GAS7: variants seen among roughly 807,000 people sequenced by gnomAD.
GAS7 encodes the protein growth arrest-specific protein 7.
A neutral mutation model predicts 71.1 loss-of-function variants in GAS7; 28 were observed. The observed-to-expected ratio is 0.39, with a 90% CI of 0.29 to 0.54. The LOEUF (loss-of-function observed/expected upper bound fraction) is 0.54. Among genes scored for constraint, GAS7 ranks in the 20% least tolerant of loss-of-function variants. GAS7 has a pLI of 0.62. For synonymous variants in GAS7, 258 were observed against 245.8 expected, an observed-to-expected ratio of 1.05 and a Z score of -0.46; for missense variants, 436 against 627.8, an observed-to-expected ratio of 0.69 and a Z score of 3.27.
chr17:10,070,571 C>G (rs1393182905), intron 1 of GAS7, among the ~76,000 whole-genome samples: 1 of 151,878 alleles, frequency 6.6e-6, no homozygotes, highest in African/African-American at 2.4e-5. Context: ...ACCATGTTCG[C>G]CAGGCTGGTC....
chr17:10,115,236 A>G (rs969115937), intron 1 of GAS7, among the ~76,000 whole-genome samples: 1 of 152,258 alleles, frequency 6.6e-6, no homozygotes, highest in Non-Finnish European at 1.5e-5. Flanking sequence ...GCTGTTGCAC[A>G]AGAGCTGAGT....
At position 9,959,164 on chromosome 17, in the gene GAS7, G is replaced by A. The variant is rs763275270; in HGVS notation, c.525+38C>T. The A allele has an allele frequency of 2.2e-5, 35 of 1,605,458 alleles. No individual in the cohort carries two copies. Among genetic ancestry groups the A allele is most frequent in the Non-Finnish European group, 2.5e-5 (29 of 1,174,730 alleles). ...ACAGCCCAGCCAAATGCCCCAGCTC[G>A]CAGCCCACCCTGAGGGCGCCCCTCG... On this transcript the variant is annotated intron_variant, in intron 5 of 13. Coordinates refer to ENST00000432992, the MANE Select transcript of GAS7 (RefSeq NM_201433.2). This position sits in a 1 kb window ranked among gnomAD's most constrained non-coding sequence, Gnocchi z 5.0.
chr17:9,961,525 C>T (rs938526309), intron 4 of GAS7, among the ~76,000 whole-genome samples: 5 of 152,218 alleles, frequency 3.3e-5, no homozygotes, highest in African/African-American at 1.2e-4. Context: ...TGCAGCCCCC[C>T]AGAGAGGGGA....
intron 1 of GAS7, among the ~76,000 whole-genome samples, chr17:10,185,246 T>C (rs1297532132): frequency 6.6e-6 from 1 of 152,102 alleles, no homozygotes; most frequent in Non-Finnish European, 1.5e-5. Flanking sequence ...TTGAACAAGA[T>C]TTGATAAGCT....
intron 2 of GAS7, among the ~76,000 whole-genome samples, chr17:10,016,062 G>T (rs2071983367): frequency 1.3e-5 from 2 of 152,182 alleles, no homozygotes; most frequent in Admixed American, 1.3e-4. Context: ...CAAACTATGT[G>T]TTGAAGGAAT....
chr17:9,940,079 A>T (rs750565151), intron 8 of GAS7, 47 bp downstream of exon 8: 4 of 1,036,672 alleles, frequency 3.9e-6, no homozygotes, highest in Middle Eastern at 4.1e-4. Flanking sequence ...TCCCTTCCTC[A>T]GTGACCCCCC....
intron 1 of GAS7, among the ~76,000 whole-genome samples, chr17:10,160,365 T>C (rs1173994586): frequency 6.6e-6 from 1 of 152,210 alleles, no homozygotes; most frequent in Admixed American, 6.5e-5. Flanking sequence ...CTACTGCCCA[T>C]TTAAAACACA....
chr17:10,066,479 C>G lies in GAS7; in HGVS notation c.184-46582G>C, dbSNP rs552541234. Among the ~76,000 whole-genome samples the G allele has an allele frequency of 5.3e-5, 8 of 152,284 alleles. No individual in the cohort carries two copies. In the South Asian group the frequency reaches 1.7e-3, roughly 32 times the overall value. On this transcript the variant is annotated intron_variant, in intron 1 of 13. Transcript: ENST00000432992. ...ACAGGTGTGAGCCACCACACCCAGCCTGGCCAGACTACTTTTTTTTGTTTT... is the reference window on the plus strand; with the variant it reads ...ACAGGTGTGAGCCACCACACCCAGCGTGGCCAGACTACTTTTTTTTGTTTT...
chr17:10,029,423 G>A lies in GAS7; in HGVS notation c.184-9526C>T, dbSNP rs185189726. On this transcript the variant is annotated intron_variant, in intron 1 of 13. Coordinates refer to ENST00000432992, the MANE Select transcript of GAS7 (RefSeq NM_201433.2). ...CGAAATCACGGCACAAAAGGATCCA[G>A]GCTGAACGCTGAAAGCAGCTTACAG... Among the ~76,000 whole-genome samples, 160 of 152,300 alleles carry A rather than the reference G, an allele frequency of 1.1e-3. 2 individuals are homozygous for A. Among genetic ancestry groups the A allele is most frequent in the Non-Finnish European group, 2.6e-4 (18 of 68,030 alleles).
rs991459503 is a variant in GAS7, at chr17:9,925,581, C to G, written c.1033G>C (p.Glu345Gln). 3.1e-6 allele frequency: 5 copies of G among 1,614,082 alleles called. No individual in the cohort carries two copies. The highest frequency in any genetic ancestry group is 1.7e-5 in the Admixed American group (1 of 60,014). ...TTCATCTCCAGGTCTCTCTGCCGCTCTGTGAGGGCTTTCCGGGCCTGGGGT... is the reference window on the plus strand; with the variant it reads ...TTCATCTCCAGGTCTCTCTGCCGCTGTGTGAGGGCTTTCCGGGCCTGGGGT... ...SVEKARKALT[E>Q]RQRDLEMKTQ... The change falls in exon 11 of 14, where the codon GAG (glutamate) becomes CAG (glutamine). Residue 345 changes from glutamate (E) to glutamine (Q), a missense_variant. Coordinates refer to ENST00000432992, the MANE Select transcript of GAS7 (RefSeq NM_201433.2).
intron 1 of GAS7, among the ~76,000 whole-genome samples, chr17:10,112,352 C>G (rs945967158): frequency 2.6e-5 from 4 of 152,216 alleles, no homozygotes; most frequent in Middle Eastern, 6.8e-3. Context: ...CACTGGAAAA[C>G]AAGAGGAAGA....
At chr17:10,144,750 G>A (rs561877061) in intron 1 of GAS7, among the ~76,000 whole-genome samples, 297 of 151,942 alleles carry the variant, frequency 2.0e-3, no homozygotes, top group Non-Finnish European at 2.6e-3. Flanking sequence ...ATCTTGCTAT[G>A]TTGCCCAGGC....
chr17:10,014,452 G>C (rs2071910743), intron 2 of GAS7, among the ~76,000 whole-genome samples: 1 of 152,140 alleles, frequency 6.6e-6, no homozygotes. Context: ...GATTCCCGCT[G>C]CCTACAGGAT....
At chr17:10,028,422 G>T (rs2072525984) in intron 1 of GAS7, among the ~76,000 whole-genome samples, 1 of 152,122 alleles carries the variant, frequency 6.6e-6, no homozygotes, top group South Asian at 2.1e-4. Context: ...CAGGTATTTT[G>T]TAAGAGCTGC....
At chr17:9,947,827 TAAAAAC>T (rs2068850254) in intron 5 of GAS7, among the ~76,000 whole-genome samples, 1 of 106,322 alleles carries the variant, frequency 9.4e-6, no homozygotes, top group Non-Finnish European at 1.8e-5. Flanking sequence ...AGGTGAAGGT[TAAAAAC>T]AAAAAAAAAA....
At chr17:10,112,358 G>A (rs547523057) in intron 1 of GAS7, among the ~76,000 whole-genome samples, 1 of 152,338 alleles carries the variant, frequency 6.6e-6, no homozygotes, top group South Asian at 2.1e-4. Flanking sequence ...AAAACAAGAG[G>A]AAGACTCAGG....
intron 2 of GAS7, among the ~76,000 whole-genome samples, chr17:10,009,906 A>T (rs945791654): frequency 6.6e-6 from 1 of 152,164 alleles, no homozygotes; most frequent in African/African-American, 2.4e-5. Flanking sequence ...CCCTTAAAAA[A>T]TTGTTATTTC....
At position 10,046,848 on chromosome 17, in the gene GAS7, A is replaced by AAGGAAGGAAG. The variant is rs1567567297; in HGVS notation, c.184-26952_184-26951insCTTCCTTCCT. Reference sequence around the variant, plus strand: ...AGGAAGGAAGGAAGGAAGGAAGGAAAGAAAAGAAAAGAAAAAAGAAAAGAA... The same window carrying AAGGAAGGAAG: ...AGGAAGGAAGGAAGGAAGGAAGGAAAAGGAAGGAAGGAAAAGAAAAGAAAAAAGAAAAGAA... On this transcript the variant is annotated intron_variant, in intron 1 of 13. Transcript: ENST00000432992. Among the ~76,000 whole-genome samples, 33 of 124,242 alleles carry AAGGAAGGAAG rather than the reference A, an allele frequency of 2.7e-4. 3 individuals are homozygous for AAGGAAGGAAG. The highest frequency in any genetic ancestry group is 2.3e-3 in the East Asian group (10 of 4,394). 81.5% of individuals were successfully genotyped at this position (124,242 alleles called of 152,430 possible).
chr17:10,063,297 T>C (rs2073240605), intron 1 of GAS7, among the ~76,000 whole-genome samples: 1 of 151,794 alleles, frequency 6.6e-6, no homozygotes, highest in South Asian at 2.1e-4. Context: ...TTTGTGTGTC[T>C]GTGTGTGTGT....
Sources: allele counts gnomAD v4.1 joint callset (sites outside exome capture counted in the v4.1 genomes callset), GRCh38; gene constraint gnomAD v4.1.1; non-coding constraint Gnocchi (gnomAD v3.1); transcripts MANE v1.5; gene names NCBI Gene and HGNC (gene_info 2026-07-23, HGNC 2026-07-21).